KCNT2: variants seen among roughly 807,000 people sequenced by gnomAD.
KCNT2 encodes potassium channel subfamily T member 2.
KCNT2 carries 67 observed loss-of-function variants against 153.8 expected under a neutral mutation model. The ratio of observed to expected loss-of-function variants is 0.44; its 90% CI spans 0.36 to 0.53. The LOEUF (loss-of-function observed/expected upper bound fraction) is 0.53, where lower values mean the gene tolerates loss of function less well. Among genes scored for constraint, KCNT2 ranks in the 20% least tolerant of loss-of-function variants. KCNT2 has a pLI of 0.00. For synonymous variants in KCNT2, 500 were observed against 458.8 expected, an observed-to-expected ratio of 1.09 and a Z score of -1.15; for missense variants, 975 against 1,354.8, an observed-to-expected ratio of 0.72 and a Z score of 4.40.
At chr1:196,551,169 G>A (rs773897339) in intron 1 of KCNT2, among the ~76,000 whole-genome samples, 13 of 151,836 alleles carry the variant, frequency 8.6e-5, no homozygotes, top group Non-Finnish European at 1.6e-4. Flanking sequence ...ATTAACTCAT[G>A]CTTAGATATC....
intron 27 of KCNT2, among the ~76,000 whole-genome samples, chr1:196,230,507 G>A (rs952543242): frequency 6.6e-6 from 1 of 151,968 alleles, no homozygotes; most frequent in African/African-American, 2.4e-5. Context: ...CATCTATTCT[G>A]CAGCCCATGG....
chr1:196,276,931 A>G (rs1658628804), intron 25 of KCNT2, among the ~76,000 whole-genome samples: 1 of 152,154 alleles, frequency 6.6e-6, no homozygotes, highest in African/African-American at 2.4e-5. Context: ...TGTTTTGAAA[A>G]TTGGTGATGT....
At chr1:196,305,480 T>C (rs1031584267) in intron 21 of KCNT2, 135 bp from the exon 22 acceptor site, 1 of 578,334 alleles carries the variant, frequency 1.7e-6, no homozygotes, top group South Asian at 2.2e-5. Context: ...CAGTGCCACA[T>C]AAAATCTTCT....
chr1:196,290,078 A>G (rs895597100), intron 22 of KCNT2, among the ~76,000 whole-genome samples: 5 of 152,020 alleles, frequency 3.3e-5, no homozygotes, highest in Non-Finnish European at 5.9e-5. Context: ...TTAACAGAAC[A>G]GTGTGGGAGG....
intron 16 of KCNT2, among the ~76,000 whole-genome samples, chr1:196,336,760 T>C (rs1302544234): frequency 6.6e-6 from 1 of 152,188 alleles, no homozygotes; most frequent in Non-Finnish European, 1.5e-5. Flanking sequence ...TTACGACCTA[T>C]CAGTACTTGG....
chr1:196,520,015 T>G (rs1472576992), intron 1 of KCNT2, among the ~76,000 whole-genome samples: 1 of 151,930 alleles, frequency 6.6e-6, no homozygotes, highest in Non-Finnish European at 1.5e-5. Flanking sequence ...AAAGAAAACT[T>G]CAGGCCAATA....
chr1:196,451,214 TTTC>T lies in KCNT2; in HGVS notation c.638+14076_638+14078del, dbSNP rs1676134403. Among the ~76,000 whole-genome samples, 3 of 97,656 alleles carry T rather than the reference TTTC, an allele frequency of 3.1e-5. No individual in the cohort carries two copies. The Admixed American group carries it at 3.7e-4, about 12-fold the overall frequency. The allele number at this position is 97,656 out of a possible 152,430, so 64.1% of individuals were successfully genotyped here. A position where few individuals can be genotyped will look rare whatever the true frequency, so the allele number is the denominator to read the frequency against. ...AGTGCTATATCCCTCTTAATCCCTC[TTTC>T]TTTTTTTTTTTTTTTTTTTTTTTTT... On this transcript the variant is annotated intron_variant, in intron 8 of 27. Coordinates refer to ENST00000294725, the MANE Select transcript of KCNT2 (RefSeq NM_198503.5).
chr1:196,376,689 A>G (rs1289435784), intron 13 of KCNT2, among the ~76,000 whole-genome samples: 3 of 151,980 alleles, frequency 2.0e-5, no homozygotes, highest in Non-Finnish European at 4.4e-5. Context: ...GACACATTCA[A>G]CTAAAATAAA....
intron 26 of KCNT2, among the ~76,000 whole-genome samples, chr1:196,255,225 T>A (rs1373928521): frequency 6.6e-6 from 1 of 151,726 alleles, no homozygotes; most frequent in African/African-American, 2.4e-5. Context: ...GATTAAAAAA[T>A]CTTTTCACTT....
chr1:196,603,078 G>T, intron 1 of KCNT2, among the ~76,000 whole-genome samples: 1 of 152,158 alleles, frequency 6.6e-6, no homozygotes. Context: ...GAGCCACCGC[G>T]CCCGGCCCAA....
At chr1:196,297,386 T>C (rs1660772059) in intron 22 of KCNT2, among the ~76,000 whole-genome samples, 1 of 152,170 alleles carries the variant, frequency 6.6e-6, no homozygotes, top group Admixed American at 6.5e-5. Context: ...AATAGACACA[T>C]ATGCAGCAGC....
chr1:196,243,748 C>T (rs1655170291), intron 26 of KCNT2, among the ~76,000 whole-genome samples: 1 of 152,174 alleles, frequency 6.6e-6, no homozygotes, highest in Admixed American at 6.5e-5. Flanking sequence ...TCTAAATAAA[C>T]TTGAAAGGAT....
intron 19 of KCNT2, among the ~76,000 whole-genome samples, chr1:196,322,832 C>T (rs992568243): frequency 6.6e-6 from 1 of 151,814 alleles, no homozygotes; most frequent in African/African-American, 2.4e-5. Context: ...CCTTGCTAGA[C>T]AATATGAAAG....
chr1:196,552,006 C>A (rs1342958046), intron 1 of KCNT2, among the ~76,000 whole-genome samples: 1 of 151,480 alleles, frequency 6.6e-6, no homozygotes, highest in Non-Finnish European at 1.5e-5. Flanking sequence ...ATGTGATTTT[C>A]TGATGTGTTA....
At chr1:196,579,483 G>GA (rs1031144574) in intron 1 of KCNT2, among the ~76,000 whole-genome samples, 33 of 149,452 alleles carry the variant, frequency 2.2e-4, no homozygotes, top group South Asian at 4.2e-4. Context: ...AAATAAAAGT[G>GA]AAAAAAAAAG....
At chr1:196,397,723 C>T (rs56287411) in intron 13 of KCNT2, among the ~76,000 whole-genome samples, 3,033 of 151,550 alleles carry the variant, frequency 0.02, 91 homozygotes, top group African/African-American at 0.069. Flanking sequence ...TACAATTTTT[C>T]ATTTCAAAAT....
At chr1:196,473,647 T>A (rs1044500902) in intron 5 of KCNT2, among the ~76,000 whole-genome samples, 1 of 152,116 alleles carries the variant, frequency 6.6e-6, no homozygotes, top group Non-Finnish European at 1.5e-5. Flanking sequence ...ATGCATTGAG[T>A]TTAATTCTAA....
intron 12 of KCNT2, among the ~76,000 whole-genome samples, chr1:196,406,508 T>C (rs1572340246): frequency 6.6e-6 from 1 of 151,186 alleles, no homozygotes; most frequent in Non-Finnish European, 1.5e-5. Flanking sequence ...GGCCAACTAG[T>C]TGTAGTCTAG....
intron 5 of KCNT2, among the ~76,000 whole-genome samples, chr1:196,470,206 A>T (rs1200503360): frequency 6.6e-6 from 1 of 152,184 alleles, no homozygotes; most frequent in Admixed American, 6.5e-5. Context: ...GCATCTCATC[A>T]CCTCAAGTTA....
Sources: gnomAD v4.1 joint callset for allele counts (sites outside exome capture counted in the v4.1 genomes callset) on GRCh38, gnomAD v4.1.1 for gene constraint, MANE v1.5 for transcripts, NCBI Gene and HGNC (gene_info 2026-07-23, HGNC 2026-07-21) for gene names.